The following RASA2 variants were observed in gnomAD, a reference collection of about 807,000 sequenced individuals.
RASA2 encodes the protein RAS p21 protein activator 2, also known as ras GTPase-activating protein 2.
In RASA2, 155 loss-of-function variants were observed where a neutral mutation model predicts 118.2. The ratio of observed to expected loss-of-function variants is 1.31; its 90% CI spans 1.15 to 1.50. The LOEUF is 1.50. Among genes scored for constraint, RASA2 ranks in the 40% most tolerant of loss-of-function variants. The pLI is 0.00. For synonymous variants in RASA2, 353 were observed against 349.1 expected, an observed-to-expected ratio of 1.01 and a Z score of -0.12; for missense variants, 1,016 against 1,009.6, an observed-to-expected ratio of 1.01 and a Z score of -0.09.
At chr3:141,538,176 T>C (rs781732416) in intron 4 of RASA2, among the ~76,000 whole-genome samples, 5 of 152,034 alleles carry the variant, frequency 3.3e-5, no homozygotes, top group Admixed American at 2.6e-4. Context: ...ATTACAGATA[T>C]AAGTAAAACT....
At position 141,513,065 on chromosome 3, in the gene RASA2, G is replaced by GA. The variant is rs771710205; in HGVS notation, c.251+800dup. Among the ~76,000 whole-genome samples the GA allele has an allele frequency of 6.3e-3, 696 of 110,482 alleles. 4 individuals are homozygous for GA. Among genetic ancestry groups the GA allele is most frequent in the East Asian group, 0.029 (95 of 3,232 alleles). The allele number at this position is 110,482 out of a possible 152,430, so 72.5% of individuals were successfully genotyped here. A position where few individuals can be genotyped will look rare whatever the true frequency, so the allele number is the denominator to read the frequency against. On this transcript the variant is annotated intron_variant, in intron 2 of 23. Transcript: ENST00000286364. ...GCAACAAGAGTGAAACTCCATCTCA[G>GA]AAAAAAAAAAAAAAACAAAAAAACG...
chr3:141,555,131 C>T (rs2082629862), intron 6 of RASA2, among the ~76,000 whole-genome samples: 2 of 152,216 alleles, frequency 1.3e-5, no homozygotes, highest in South Asian at 4.1e-4. Context: ...TGTGGTGGCT[C>T]ATGCCTGTAA....
intron 1 of RASA2, among the ~76,000 whole-genome samples, chr3:141,491,844 G>A (rs1212823165): frequency 6.6e-6 from 1 of 152,154 alleles, no homozygotes; most frequent in African/African-American, 2.4e-5. Flanking sequence ...TACACATTAA[G>A]TGTTTTAATT....
chr3:141,508,711 A>G, intron 1 of RASA2, among the ~76,000 whole-genome samples: 1 of 152,218 alleles, frequency 6.6e-6, no homozygotes, highest in Non-Finnish European at 1.5e-5. Flanking sequence ...AACAAGAAGT[A>G]GAGAAGTAGG....
intron 19 of RASA2, among the ~76,000 whole-genome samples, chr3:141,592,331 G>A (rs1197834323): frequency 6.6e-6 from 1 of 152,162 alleles, no homozygotes. Context: ...TGAAATAGAA[G>A]CATGCCTGGA....
intron 3 of RASA2, among the ~76,000 whole-genome samples, chr3:141,524,751 C>T (rs888890188): frequency 2.0e-5 from 3 of 152,024 alleles, no homozygotes; most frequent in African/African-American, 7.3e-5. Flanking sequence ...CTGCCACGCT[C>T]GGCTAATTTT....
intron 19 of RASA2, among the ~76,000 whole-genome samples, chr3:141,594,296 G>C (rs1456136830): frequency 6.6e-6 from 1 of 151,840 alleles, no homozygotes; most frequent in Non-Finnish European, 1.5e-5. Context: ...TACAATATCA[G>C]GTAGTCTAAC....
chr3:141,598,071 A>G (rs147273968), intron 19 of RASA2, among the ~76,000 whole-genome samples: 1 of 152,200 alleles, frequency 6.6e-6, no homozygotes, highest in Non-Finnish European at 1.5e-5. Flanking sequence ...GTCCTAAAAA[A>G]GAATGCCAGG....
rs557776516 is a variant in RASA2 at position 141,522,438 on chromosome 3, C to T, written c.355+6007C>T. ...CAGGTGTTGGGGCCCACATCGGCTC[C>T]TGAAAGTCTCCGGGAATGCCATAGG... is the stretch of plus-strand genomic sequence containing the variant. On this transcript the variant is annotated intron_variant, in intron 3 of 23. Transcript: ENST00000286364. Among the ~76,000 whole-genome samples, 6 of 152,260 alleles carry T rather than the reference C, an allele frequency of 3.9e-5. No homozygotes were observed. The South Asian group carries it at 1.2e-3, about 32-fold the overall frequency.
At chr3:141,585,997 T>C in intron 17 of RASA2, 28 bp from the exon 18 acceptor site, 2 of 1,556,592 alleles carry the variant, frequency 1.3e-6, no homozygotes, top group Non-Finnish European at 1.8e-6. Context: ...TATCACACAG[T>C]GTAATATTTG....
At chr3:141,569,001 A>G (rs1343844899) in intron 9 of RASA2, among the ~76,000 whole-genome samples, 1 of 152,146 alleles carries the variant, frequency 6.6e-6, no homozygotes, top group Non-Finnish European at 1.5e-5. Flanking sequence ...CTGGCTGCAC[A>G]TAGTAACTTA....
In RASA2 at chr3:141,573,457, T is replaced by C. The variant is rs535822924; in HGVS notation, c.1359+236T>C. ...TGTCTCTTTTTGGCTCTAGTAACAA[T>C]AGTGAACTTAAGCTATAGCTAGTTG... On this transcript the variant is annotated intron_variant, in intron 13 of 23. Transcript: ENST00000286364. Among the ~76,000 whole-genome samples, 4 of 152,322 alleles carry C rather than the reference T, an allele frequency of 2.6e-5. No individual in the cohort carries two copies. In the South Asian group the frequency reaches 8.3e-4, roughly 32 times the overall value.
intron 3 of RASA2, among the ~76,000 whole-genome samples, chr3:141,518,717 C>T (rs2082068253): frequency 6.6e-6 from 1 of 151,590 alleles, no homozygotes; most frequent in Admixed American, 6.6e-5. Context: ...ACCTTTAAAA[C>T]AATATGTTTT....
chr3:141,500,116 G>A lies in RASA2; in HGVS notation c.134-12047G>A, dbSNP rs975671449. Among the ~76,000 whole-genome samples the A allele has an allele frequency of 3.9e-5, 6 of 152,344 alleles. No homozygotes were observed. In the South Asian group the frequency reaches 6.2e-4, roughly 16 times the overall value. Reference sequence around the variant, plus strand: ...TCTCTGTCTGATTAATGTCACAAATGTGTAACTTTCCAGTGGTGTTTTCAA... The same window carrying A: ...TCTCTGTCTGATTAATGTCACAAATATGTAACTTTCCAGTGGTGTTTTCAA... On this transcript the variant is annotated intron_variant, in intron 1 of 23. Coordinates refer to ENST00000286364, the MANE Select transcript of RASA2 (RefSeq NM_006506.5).
intron 9 of RASA2, among the ~76,000 whole-genome samples, chr3:141,568,229 A>G (rs192430240): frequency 6.6e-6 from 1 of 152,324 alleles, no homozygotes; most frequent in Admixed American, 6.5e-5. Flanking sequence ...ATCTATGAAA[A>G]GTAGTTTCAA....
At chr3:141,555,563 G>C (rs113095606) in intron 6 of RASA2, among the ~76,000 whole-genome samples, 1 of 151,526 alleles carries the variant, frequency 6.6e-6, no homozygotes, top group African/African-American at 2.4e-5. Context: ...TTATAGAATA[G>C]AATGTGTTTT....
At chr3:141,557,570 T>C (rs1260946000) in intron 7 of RASA2, among the ~76,000 whole-genome samples, 2 of 152,132 alleles carry the variant, frequency 1.3e-5, no homozygotes, top group African/African-American at 4.8e-5. Context: ...AGTGCCTAGT[T>C]ATGGTGCTTA....
chr3:141,520,572 T>A (rs2082096695), intron 3 of RASA2, among the ~76,000 whole-genome samples: 1 of 152,084 alleles, frequency 6.6e-6, no homozygotes, highest in South Asian at 2.1e-4. Flanking sequence ...ATAATATACA[T>A]GCATTTGTAC....
chr3:141,507,642 A>G (rs1349997958), intron 1 of RASA2, among the ~76,000 whole-genome samples: 2 of 152,222 alleles, frequency 1.3e-5, no homozygotes, highest in Admixed American at 6.5e-5. Context: ...AGCCCTGCCT[A>G]CCACAACCTG....
Sources: gnomAD v4.1 joint callset for allele counts (sites outside exome capture counted in the v4.1 genomes callset) on GRCh38, gnomAD v4.1.1 for gene constraint, MANE v1.5 for transcripts, NCBI Gene and HGNC (gene_info 2026-07-23, HGNC 2026-07-21) for gene names.